Variants in OGDHL observed in about 807,000 individuals in gnomAD.
OGDHL encodes the protein oxoglutarate dehydrogenase L.
A neutral mutation model predicts 109.6 loss-of-function variants in OGDHL; 79 were observed. The observed-to-expected ratio is 0.72, with a 90% confidence interval of 0.60 to 0.87. The LOEUF is 0.87. OGDHL is among the 40% of genes least tolerant of loss of function. The probability of loss-of-function intolerance (pLI) is 0.00; values close to 1 mark genes in which losing one functional copy is unlikely to be tolerated. For synonymous variants in OGDHL, 528 were observed against 537.2 expected (o/e 0.98, Z 0.24); for missense variants, 1,275 against 1,362.2 (o/e 0.94, Z 1.01).
intron 3 of OGDHL, among the ~76,000 whole-genome samples, chr10:49,753,088 G>A (rs983039265): frequency 3.3e-5 from 5 of 152,148 alleles, no homozygotes; most frequent in African/African-American, 4.8e-5. Flanking sequence ...TCCACACAGC[G>A]GAGCACTCCA....
At chr10:49,757,782 G>A (rs956373267) in intron 2 of OGDHL, among the ~76,000 whole-genome samples, 5 of 152,204 alleles carry the variant, frequency 3.3e-5, no homozygotes, top group African/African-American at 7.2e-5. Context: ...TTACTTTTGC[G>A]TAAAGGGAGA....
rs1433273366 is a variant in OGDHL, at chr10:49,740,693, G to A, written c.2140+17C>T. ...GTGTCTGGGGCCTGCCTGGCCTGCAGGAGAGCGTGGACCCACCCAGGACTC... is the reference window on the plus strand; with the variant it reads ...GTGTCTGGGGCCTGCCTGGCCTGCAAGAGAGCGTGGACCCACCCAGGACTC... On this transcript the variant is annotated intron_variant, in intron 16 of 22. Transcript: ENST00000374103. 3.1e-6 allele frequency: 5 copies of A among 1,608,934 alleles called. No homozygotes were observed. The highest frequency in any genetic ancestry group is 4.5e-5 in the East Asian group (2 of 44,730).
chr10:49,736,304 G>A (rs1197934284), intron 21 of OGDHL, 53 bp downstream of exon 21: 31 of 1,605,356 alleles, frequency 1.9e-5, no homozygotes, highest in Admixed American at 5.0e-5. Flanking sequence ...CAGAGCCGGG[G>A]CCAGCGACGT....
intron 6 of OGDHL, among the ~76,000 whole-genome samples, chr10:49,751,279 G>T (rs1842571331): frequency 6.6e-6 from 1 of 152,004 alleles, no homozygotes; most frequent in Non-Finnish European, 1.5e-5. Flanking sequence ...TCCTCCAACA[G>T]GCCACTGCCC....
At chr10:49,739,308 C>T (rs1384505930) in intron 17 of OGDHL, 2 of 215,468 alleles carry the variant, frequency 9.3e-6, no homozygotes, top group Non-Finnish European at 1.8e-5. Flanking sequence ...GCTGTGAAAC[C>T]TTGGGCAACC....
intron 2 of OGDHL, 66 bp from the exon 3 acceptor site, chr10:49,757,012 C>G: frequency 1.3e-6 from 2 of 1,538,484 alleles, no homozygotes; most frequent in Non-Finnish European, 1.8e-6. Context: ...GTGGCCCAGG[C>G]TGGGGCCCCA....
rs1331070933 is a variant in OGDHL at position 49,745,455 on chromosome 10, G to T, written c.1518C>A (p.Pro506=). 1 of 1,614,094 alleles carries T rather than the reference G, an allele frequency of 6.2e-7. No homozygotes were observed. Among genetic ancestry groups the T allele is most frequent in the Non-Finnish European group, 8.5e-7 (1 of 1,180,032 alleles). ...TGTACATGAGCGGCTGGGTGAACATGGGCTCGTCCATCTCATTGTGGCCAC... is the reference window on the plus strand; with the variant it reads ...TGTACATGAGCGGCTGGGTGAACATTGGCTCGTCCATCTCATTGTGGCCAC... ...RRRGHNEMDE[P]MFTQPLMYKQ... is the part of the protein sequence containing the mutation. Residue 506 remains proline, a synonymous_variant, in exon 12 of 23, where the codon CCC becomes CCA. Coordinates refer to ENST00000374103, the MANE Select transcript of OGDHL (RefSeq NM_018245.3).
chr10:49,753,804 C>T (rs12254468), intron 3 of OGDHL, among the ~76,000 whole-genome samples: 1,879 of 149,440 alleles, frequency 0.013, 43 homozygotes, highest in African/African-American at 0.044. Flanking sequence ...GCAGGAGAAT[C>T]GCTTGAATCT....
At position 49,749,810 on chromosome 10, in the gene OGDHL, C is replaced by T; in HGVS notation, c.903G>A (p.Arg301=). Residue 301 remains arginine (R), a synonymous_variant, in exon 8 of 23, where the codon AGG becomes AGA. Coordinates refer to ENST00000374103, the MANE Select transcript of OGDHL (RefSeq NM_018245.3). ...NVILGMPHRG[R]LNVLANVIRK... is the part of the protein sequence containing the mutation. ...GGATCACGTTGGCCAGCACGTTCAG[C>T]CTTCCCCTGGAGCCAGAGGGGCCGG... The T allele has an allele frequency of 6.3e-7, 1 of 1,594,128 alleles. No individual in the cohort carries two copies. The highest frequency in any genetic ancestry group is 1.1e-5 in the South Asian group (1 of 88,294).
At chr10:49,746,570 C>T (rs1225497049) in intron 10 of OGDHL, among the ~76,000 whole-genome samples, 180 bp downstream of exon 10, 3 of 152,226 alleles carry the variant, frequency 2.0e-5, no homozygotes, top group African/African-American at 7.2e-5. Flanking sequence ...TTATCCCTCC[C>T]TATTGTGTCT....
chr10:49,740,776 G>T lies in OGDHL; in HGVS notation c.2074C>A (p.His692Asn). ...VDRRTCVPMN[H>N]LWPDQAPYTV... is the part of the protein sequence containing the mutation. The stretch of plus-strand genomic sequence containing the variant: ...TACGGGGCCTGGTCAGGCCAGAGAT[G>T]ATTCATAGGCACACACGTCCTGCGG... The change falls in exon 16 of 23, where the codon CAT (histidine) becomes AAT (asparagine). Residue 692 changes from histidine to asparagine, a missense_variant. Physicochemically the swap from His to Asn is moderately conservative, Grantham distance 68. Transcript: ENST00000374103. 1 of 1,613,956 alleles carries T rather than the reference G, an allele frequency of 6.2e-7. No individual in the cohort carries two copies. The highest frequency in any genetic ancestry group is 8.5e-7 in the Non-Finnish European group (1 of 1,179,846).
In OGDHL at chr10:49,736,262, C is replaced by T. The variant is rs1341563666; in HGVS notation, c.2755-85G>A. On this transcript the variant is annotated intron_variant, in intron 21 of 22. Transcript: ENST00000374103. ...CCGGACAGGAGGCACAGGGCCTCAC[C>T]GGCCTTCATCTGGCCTGCCTGGCAC... is the stretch of plus-strand genomic sequence containing the variant. 1.0e-4 allele frequency: 165 copies of T among 1,579,218 alleles called. 1 individual carries two copies. In the East Asian group the frequency reaches 3.2e-3, roughly 31 times the overall value.
intron 3 of OGDHL, among the ~76,000 whole-genome samples, chr10:49,756,125 T>G (rs944848661): frequency 3.3e-5 from 5 of 152,240 alleles, no homozygotes; most frequent in African/African-American, 1.2e-4. Flanking sequence ...TGCTGTGGCT[T>G]GCTGCTGCCT....
Position 49,746,834 on chromosome 10 carries a change from C to G in OGDHL, c.1212G>C (p.Gln404His), listed in dbSNP as rs1275877300. The change falls in exon 10 of 23, where the codon CAG becomes CAC. Residue 404 changes from glutamine (Q) to histidine (H), a missense_variant. Gln to His is a conservative substitution (Grantham distance 24, BLOSUM62 0). Coordinates refer to ENST00000374103, the MANE Select transcript of OGDHL (RefSeq NM_018245.3). ...GGTGGAAGGTCTCATATACCACGCCCTGGCCAGCAAAGGCGGCGTCCCCAT... is the reference window on the plus strand; with the variant it reads ...GGTGGAAGGTCTCATATACCACGCCGTGGCCAGCAAAGGCGGCGTCCCCAT... ...LVHGDAAFAG[Q>H]GVVYETFHLS... 1 of 1,614,080 alleles carries G rather than the reference C, an allele frequency of 6.2e-7. No homozygotes were observed. Among genetic ancestry groups the G allele is most frequent in the Non-Finnish European group, 8.5e-7 (1 of 1,180,010 alleles).
rs1281189301 is a variant in OGDHL at position 49,738,270 on chromosome 10, C to T, written c.2320-8G>A. ...TGACGAGTGCTCTGGGCCCTGAAAGCAAACGCCAGACAGCCAAGGCTGGAC... is the reference window on the plus strand; with the variant it reads ...TGACGAGTGCTCTGGGCCCTGAAAGTAAACGCCAGACAGCCAAGGCTGGAC... On this transcript the variant is annotated splice_region_variant and splice_polypyrimidine_tract_variant and intron_variant, in intron 17 of 22. Transcript: ENST00000374103. The T allele has an allele frequency of 6.2e-7, 1 of 1,612,422 alleles. No individual in the cohort carries two copies. The highest frequency in any genetic ancestry group is 1.1e-5 in the South Asian group (1 of 90,988).
At chr10:49,751,570 T>C (rs187979834) in intron 6 of OGDHL, among the ~76,000 whole-genome samples, 1 of 152,344 alleles carries the variant, frequency 6.6e-6, no homozygotes, top group Admixed American at 6.5e-5. Context: ...CCGCCACTTC[T>C]GGCCTTGCTC....
Position 49,735,033 on chromosome 10 carries a change from T to C in OGDHL, c.*195A>G, listed in dbSNP as rs1292644716. Reference sequence around the variant, plus strand: ...CAGTAGCCTGCCTATAGGACTCCTCTGGCTCCCTCAGTCCTGGTAGATTCT... The same window carrying C: ...CAGTAGCCTGCCTATAGGACTCCTCCGGCTCCCTCAGTCCTGGTAGATTCT... On this transcript the variant is annotated 3_prime_UTR_variant, in exon 23 of 23. Transcript: ENST00000374103. 1.7e-6 allele frequency: 1 copy of C among 599,800 alleles called. No homozygotes were observed. The highest frequency in any genetic ancestry group is 3.1e-5 in the East Asian group (1 of 32,004). The allele number at this position is 599,800 out of a possible 1,614,324, so 37.2% of individuals were successfully genotyped here.
rs1842650063 is a variant in OGDHL at position 49,752,182 on chromosome 10, C to A, written c.545G>T (p.Gly182Val). The A allele has an allele frequency of 1.5e-5, 24 of 1,614,144 alleles. No individual in the cohort carries two copies. The highest frequency in any genetic ancestry group is 2.0e-5 in the Non-Finnish European group (24 of 1,180,032). Residue 182 changes from glycine to valine, a missense_variant, in exon 5 of 23, where the codon GGG becomes GTG. Transcript: ENST00000374103. Reference protein sequence around the residue: ...EFQLPTTTFIGGSENTLSLRE... With the variant: ...EFQLPTTTFIVGSENTLSLRE... ...CAGAGAGAGGGTGTTTTCAGAGCCC[C>A]CAATGAAGGTGGTTGTCGGCAGCTG...
chr10:49,760,695 T>C (rs970503202), intron 1 of OGDHL, among the ~76,000 whole-genome samples: 5 of 152,244 alleles, frequency 3.3e-5, no homozygotes, highest in African/African-American at 1.2e-4. Context: ...GGCACTCATA[T>C]CAGTTCCACT....
Sources: allele counts gnomAD v4.1 joint callset (sites outside exome capture counted in the v4.1 genomes callset), GRCh38; gene constraint gnomAD v4.1.1; transcripts MANE v1.5; gene names NCBI Gene and HGNC (gene_info 2026-07-23, HGNC 2026-07-21).